Variants in ITPA observed in about 807,000 individuals in gnomAD.
ITPA encodes inosine triphosphate pyrophosphatase.
In ITPA, 29 loss-of-function variants were observed where a neutral mutation model predicts 29.6. That is an observed-to-expected ratio of 0.98 (90% confidence interval 0.73 to 1.34). The LOEUF is 1.34. Among genes scored for constraint, ITPA ranks in the 40% most tolerant of loss-of-function variants. ITPA has a pLI of 0.00. For missense variants in ITPA, 241 were observed against 251.5 expected (o/e 0.96, Z 0.28); for synonymous variants, 103 against 99.3 (o/e 1.04, Z -0.22).
intron 7 of ITPA, among the ~76,000 whole-genome samples, 168 bp from the exon 8 acceptor site, chr20:3,223,198 T>G (rs1359690251): frequency 2.0e-5 from 3 of 152,104 alleles, no homozygotes; most frequent in Non-Finnish European, 4.4e-5. Flanking sequence ...ATTGAAAACT[T>G]TATCCGATTT....
chr20:3,212,235 A>G (rs59835378), intron 1 of ITPA, among the ~76,000 whole-genome samples: 25,996 of 152,232 alleles, frequency 0.17, 2,851 homozygotes, highest in South Asian at 0.39. Flanking sequence ...CAATTATCAA[A>G]ATGTTACAAA....
downstream of ITPA, among the ~76,000 whole-genome samples, chr20:3,226,630 C>T (rs1234340945): frequency 1.3e-5 from 2 of 152,222 alleles, no homozygotes; most frequent in Admixed American, 1.3e-4. The surrounding 1 kb of genome is among the most constrained non-coding windows in gnomAD (Gnocchi z 4.4). Flanking sequence ...GTTGGGGCTG[C>T]TGTCCTTTGC....
At chr20:3,205,113 G>C (rs2067061678), upstream of ITPA, among the ~76,000 whole-genome samples, 1 of 152,070 alleles carries the variant, frequency 6.6e-6, no homozygotes, top group Non-Finnish European at 1.5e-5. Flanking sequence ...GCCTCCCAAA[G>C]TGCTGGGATT....
intron 1 of ITPA, 102 bp from the exon 2 acceptor site, chr20:3,213,067 G>C (rs551317405): frequency 1.6e-6 from 2 of 1,241,790 alleles, no homozygotes; most frequent in African/African-American, 3.0e-5. Flanking sequence ...AGCTTTAGGA[G>C]ATGGGCAGCA....
chr20:3,226,349 G>C (rs1469246938), downstream of ITPA, among the ~76,000 whole-genome samples: 1 of 152,206 alleles, frequency 6.6e-6, no homozygotes, highest in East Asian at 1.9e-4. This position sits in a 1 kb window ranked among gnomAD's most constrained non-coding sequence, Gnocchi z 4.4. Context: ...GTTGTGCACA[G>C]TGAGAGCGGA....
chr20:3,211,166 CTT>C (rs369449246), intron 1 of ITPA, among the ~76,000 whole-genome samples: 3 of 140,272 alleles, frequency 2.1e-5, no homozygotes. Context: ...AACAGGTAGT[CTT>C]TTTTTTTTTT....
At chr20:3,206,606 G>A (rs1290590978), upstream of ITPA, among the ~76,000 whole-genome samples, 2 of 151,904 alleles carry the variant, frequency 1.3e-5, no homozygotes, top group Non-Finnish European at 2.9e-5. Context: ...TGAGGCAGGC[G>A]GATCACGAGG....
chr20:3,224,570 C>T (rs2067537760), downstream of ITPA, among the ~76,000 whole-genome samples: 1 of 152,220 alleles, frequency 6.6e-6, no homozygotes, highest in East Asian at 1.9e-4. Flanking sequence ...CCTGCAAGCC[C>T]CGGCTGGGTT....
intron 6 of ITPA, chr20:3,219,094 C>T (rs2067390711): frequency 2.3e-5 from 4 of 173,304 alleles, no homozygotes; most frequent in Admixed American, 2.3e-4. Context: ...ATCTATAGCC[C>T]AGACTTCTCT....
intron 5 of ITPA, 126 bp downstream of exon 5, chr20:3,215,438 C>A: frequency 1.2e-6 from 1 of 810,442 alleles, no homozygotes; most frequent in Non-Finnish European, 2.1e-6. Context: ...GCCTCCACCT[C>A]ATTTTCCCCA....
intron 7 of ITPA, 124 bp from the exon 8 acceptor site, chr20:3,223,242 C>T (rs2067511942): frequency 5.4e-6 from 4 of 742,208 alleles, no homozygotes; most frequent in East Asian, 5.4e-5. Flanking sequence ...AGCTGCTGGG[C>T]CCCACTCCCC....
chr20:3,216,489 T>G (rs1417151092), intron 5 of ITPA, among the ~76,000 whole-genome samples: 1 of 147,238 alleles, frequency 6.8e-6, no homozygotes, highest in Non-Finnish European at 1.5e-5. Context: ...GTTTCACTCT[T>G]GTTGCCCAGG....
In ITPA at chr20:3,210,053, C is replaced by T. The variant is rs548329473; in HGVS notation, c.66+436C>T. 5.9e-5 allele frequency among the ~76,000 whole-genome samples: 9 copies of T among 152,318 alleles called. No homozygotes were observed. The South Asian group carries it at 1.9e-3, about 32-fold the overall frequency. ...GAGTTCCACACTGAGCAGTCCGTGC[C>T]TCACCACCGTCCTGAAATGTTCTAA... On this transcript the variant is annotated intron_variant, in intron 1 of 7. Coordinates refer to ENST00000380113, the MANE Select transcript of ITPA (RefSeq NM_033453.4).
At chr20:3,213,025 G>C in intron 1 of ITPA, 144 bp from the exon 2 acceptor site, 1 of 829,372 alleles carries the variant, frequency 1.2e-6, no homozygotes, top group Non-Finnish European at 2.0e-6. Context: ...GACCCTGAAA[G>C]CCGGGGTGAG....
chr20:3,218,214 G>A (rs116114096), intron 5 of ITPA, among the ~76,000 whole-genome samples: 3,552 of 152,280 alleles, frequency 0.023, 137 homozygotes, highest in African/African-American at 0.081. Context: ...CACCACGCCC[G>A]GCCTACAGTT....
At chr20:3,224,604 C>T (rs572021851), downstream of ITPA, among the ~76,000 whole-genome samples, 5 of 152,340 alleles carry the variant, frequency 3.3e-5, no homozygotes, top group African/African-American at 1.2e-4. Context: ...GTGCTGCGTC[C>T]CTGCCCAGCC....
chr20:3,209,269 G>C, upstream of ITPA: 1 of 509,396 alleles, frequency 2.0e-6, no homozygotes, highest in Non-Finnish European at 3.6e-6. This position sits in a 1 kb window ranked among gnomAD's most constrained non-coding sequence, Gnocchi z 4.6. Context: ...GGGCGGGGTG[G>C]GGGTGGGAGT....
At chr20:3,204,712 C>T, upstream of ITPA, 1 of 1,348,564 alleles carries the variant, frequency 7.4e-7, no homozygotes, top group Non-Finnish European at 1.0e-6. Flanking sequence ...ATCTAGACTC[C>T]GCCCACTACT....
intron 1 of ITPA, among the ~76,000 whole-genome samples, 162 bp from the exon 2 acceptor site, chr20:3,213,007 T>C (rs113297708): frequency 6.6e-6 from 1 of 152,044 alleles, no homozygotes; most frequent in South Asian, 2.1e-4. Flanking sequence ...GCTGGCTTGC[T>C]GGGGTGGGAC....
Sources: gnomAD v4.1 joint callset for allele counts (sites outside exome capture counted in the v4.1 genomes callset) on GRCh38, gnomAD v4.1.1 for gene constraint, Gnocchi (gnomAD v3.1) non-coding constraint, MANE v1.5 for transcripts, NCBI Gene and HGNC (gene_info 2026-07-23, HGNC 2026-07-21) for gene names.